Variants in ADGB observed in about 807,000 individuals in gnomAD.
ADGB encodes the protein calpain-7-like protein.
ADGB carries 172 observed loss-of-function variants against 210.5 expected under a neutral mutation model. The observed-to-expected ratio is 0.82, with a 90% CI of 0.72 to 0.93. The LOEUF (loss-of-function observed/expected upper bound fraction) is 0.93, where lower values mean the gene tolerates loss of function less well. ADGB is among the 40% of genes least tolerant of loss of function. ADGB has a pLI of 0.00. For missense variants in ADGB, 2,025 were observed against 1,964.8 expected (o/e 1.03, Z -0.58); for synonymous variants, 658 against 662.7 (o/e 0.99, Z 0.11).
intron 13 of ADGB, among the ~76,000 whole-genome samples, chr6:146,705,055 A>G (rs1035833636): frequency 3.3e-5 from 5 of 152,046 alleles, no homozygotes; most frequent in African/African-American, 7.2e-5. Context: ...CCTTAGTTCA[A>G]TTTATTCCTA....
At chr6:146,634,519 TAC>T (rs1393464794) in intron 1 of ADGB, among the ~76,000 whole-genome samples, 1 of 152,060 alleles carries the variant, frequency 6.6e-6, no homozygotes. Flanking sequence ...TTAAATAATA[TAC>T]CTATTTTACA....
intron 20 of ADGB, among the ~76,000 whole-genome samples, chr6:146,731,053 G>A (rs1776976848): frequency 6.6e-6 from 1 of 152,160 alleles, no homozygotes; most frequent in African/African-American, 2.4e-5. Flanking sequence ...CAAAGGATGT[G>A]GGGGAGCAAC....
intron 14 of ADGB, among the ~76,000 whole-genome samples, chr6:146,716,671 AC>A (rs1431785848): frequency 1.3e-5 from 2 of 151,318 alleles, no homozygotes; most frequent in Non-Finnish European, 1.5e-5. Flanking sequence ...ATTTTTGAAC[AC>A]CCTGATATGC....
intron 20 of ADGB, among the ~76,000 whole-genome samples, chr6:146,729,272 T>A (rs894983496): frequency 6.6e-6 from 1 of 152,226 alleles, no homozygotes; most frequent in Non-Finnish European, 1.5e-5. Flanking sequence ...TAGGTCTGGC[T>A]TTTTAACACT....
rs117733130 is a variant in ADGB at position 146,728,762 on chromosome 6, A to G, written c.2520+21A>G. 3.4e-5 allele frequency: 52 copies of G among 1,508,422 alleles called. No individual in the cohort carries two copies. The East Asian group carries it at 1.3e-3, about 37-fold the overall frequency. 93.4% of individuals were successfully genotyped at this position (1,508,422 alleles called of 1,614,324 possible). On this transcript the variant is annotated intron_variant, in intron 20 of 35. Coordinates refer to ENST00000397944, the MANE Select transcript of ADGB (RefSeq NM_024694.4). ...TCAGGGTAAGCTTGTTTGGGATACAATGTTCAGAAGAGGAAACTTTCTTTT... is the reference window on the plus strand; with the variant it reads ...TCAGGGTAAGCTTGTTTGGGATACAGTGTTCAGAAGAGGAAACTTTCTTTT...
At chr6:146,743,691 G>A (rs545442283) in intron 25 of ADGB, among the ~76,000 whole-genome samples, 2 of 152,148 alleles carry the variant, frequency 1.3e-5, no homozygotes, top group Admixed American at 6.5e-5. Context: ...AGGTGGGTGG[G>A]TCATCTGAGG....
chr6:146,719,478 A>G (rs558784990), intron 16 of ADGB, among the ~76,000 whole-genome samples: 42 of 152,240 alleles, frequency 2.8e-4, no homozygotes, highest in Non-Finnish European at 5.4e-4. Context: ...CTTTCTTGGA[A>G]GTCATTGGAA....
intron 12 of ADGB, among the ~76,000 whole-genome samples, chr6:146,699,322 T>C (rs751080932): frequency 3.9e-5 from 6 of 152,022 alleles, no homozygotes; most frequent in Non-Finnish European, 7.4e-5. Context: ...TAACTCTCAG[T>C]CTGAAGACAA....
Position 146,637,584 on chromosome 6 carries a change from C to CT in ADGB, c.237+2048dup, listed in dbSNP as rs1775443484. On this transcript the variant is annotated intron_variant, in intron 2 of 35. Coordinates refer to ENST00000397944, the MANE Select transcript of ADGB (RefSeq NM_024694.4). ...TTTTTTAGACAGTGCACCAGACCAGCTATAGCATTCTGTATAAAGTAAGGG... is the reference window on the plus strand; with the variant it reads ...TTTTTTAGACAGTGCACCAGACCAGCTTATAGCATTCTGTATAAAGTAAGGG... Among the ~76,000 whole-genome samples, 3 of 151,910 alleles carry CT rather than the reference C, an allele frequency of 2.0e-5. No homozygotes were observed. In the South Asian group the frequency reaches 6.2e-4, roughly 32 times the overall value.
intron 12 of ADGB, among the ~76,000 whole-genome samples, chr6:146,699,194 G>T (rs1776452707): frequency 6.6e-6 from 1 of 152,034 alleles, no homozygotes; most frequent in African/African-American, 2.4e-5. Context: ...TTGGCTCATT[G>T]GTTATGGAAG....
intron 1 of ADGB, among the ~76,000 whole-genome samples, chr6:146,629,525 T>TA (rs1781028770): frequency 1.3e-5 from 2 of 152,344 alleles, no homozygotes; most frequent in African/African-American, 4.8e-5. Flanking sequence ...AAGATTTACT[T>TA]ACACTTGACA....
At chr6:146,603,996 C>A (rs1780597945) in intron 1 of ADGB, among the ~76,000 whole-genome samples, 1 of 152,154 alleles carries the variant, frequency 6.6e-6, no homozygotes, top group Non-Finnish European at 1.5e-5. Flanking sequence ...CTCTCTGTAA[C>A]CCCAGGTCCA....
intron 30 of ADGB, among the ~76,000 whole-genome samples, chr6:146,783,045 C>T (rs1452322656): frequency 6.6e-6 from 1 of 151,970 alleles, no homozygotes; most frequent in Non-Finnish European, 1.5e-5. Context: ...GGAGAAAAGA[C>T]AGGAGAGGAA....
chr6:146,634,716 G>A (rs557189111), intron 1 of ADGB, among the ~76,000 whole-genome samples: 20 of 151,772 alleles, frequency 1.3e-4, no homozygotes, highest in South Asian at 6.3e-4. Context: ...AAAATCTATC[G>A]TAACAAAATA....
rs370286517 is a variant in ADGB, at chr6:146,661,470, G to A, written c.613-2731G>A. Among the ~76,000 whole-genome samples, 67 of 151,516 alleles carry A rather than the reference G, an allele frequency of 4.4e-4. No homozygotes were observed. The East Asian group carries it at 5.5e-3, about 12-fold the overall frequency. ...TGACCTCAAGTGATCCTCCTGTCTC[G>A]GCCTCCCAAAGTGTTGGGATTACAG... On this transcript the variant is annotated intron_variant, in intron 5 of 35. Transcript: ENST00000397944.
At chr6:146,676,687 T>G (rs1188919365) in intron 9 of ADGB, among the ~76,000 whole-genome samples, 1 of 152,204 alleles carries the variant, frequency 6.6e-6, no homozygotes, top group African/African-American at 2.4e-5. Flanking sequence ...GAGAGGCTTC[T>G]GCTGGTCGCT....
At chr6:146,738,174 C>T (rs1777107463) in intron 23 of ADGB, among the ~76,000 whole-genome samples, 1 of 151,984 alleles carries the variant, frequency 6.6e-6, no homozygotes, top group Non-Finnish European at 1.5e-5. Context: ...AGTACTATTC[C>T]CTCATAAATC....
At chr6:146,651,354 G>A (rs1273128855) in intron 3 of ADGB, among the ~76,000 whole-genome samples, 1 of 152,166 alleles carries the variant, frequency 6.6e-6, no homozygotes, top group Non-Finnish European at 1.5e-5. Flanking sequence ...ATTAGTAACC[G>A]ACTCAAATTT....
intron 32 of ADGB, among the ~76,000 whole-genome samples, chr6:146,786,228 T>G (rs903169259): frequency 6.7e-6 from 1 of 148,908 alleles, no homozygotes; most frequent in African/African-American, 2.4e-5. Flanking sequence ...ATAATATTAT[T>G]CCAGTTTATC....
Sources: gnomAD v4.1 joint callset for allele counts (sites outside exome capture counted in the v4.1 genomes callset) on GRCh38, gnomAD v4.1.1 for gene constraint, MANE v1.5 for transcripts, NCBI Gene and HGNC (gene_info 2026-07-23, HGNC 2026-07-21) for gene names.